The following AIG1 variants were observed in gnomAD, a reference collection of about 807,000 sequenced individuals.
AIG1 encodes the protein androgen-induced gene 1 protein.
Under a neutral mutation model 31.4 loss-of-function variants are expected in AIG1, and 23 were observed. The ratio of observed to expected loss-of-function variants is 0.73; its 90% confidence interval spans 0.53 to 1.04. The LOEUF (loss-of-function observed/expected upper bound fraction) is 1.04. Ranked by LOEUF, AIG1 falls within the 50% of genes least tolerant of loss-of-function variation. AIG1 has a pLI of 0.00. For synonymous variants in AIG1, 100 were observed against 110.5 expected (o/e 0.90, Z 0.60); for missense variants, 274 against 295.0 (o/e 0.93, Z 0.52).
intron 3 of AIG1, among the ~76,000 whole-genome samples, chr6:143,272,523 A>G (rs1796604921): frequency 6.6e-6 from 1 of 152,202 alleles, no homozygotes; most frequent in South Asian, 2.1e-4. Flanking sequence ...TTCTGTTAAT[A>G]ATAGGCCCAT....
At position 143,331,652 on chromosome 6, in the gene AIG1, A is replaced by ATG. The variant is rs1167059230; in HGVS notation, c.516-1620_516-1619dup. ...TATGTACATCTGTGTGTGTGTATAT[A>ATG]TGTGTGTGTGTATATGTGTGTGTGT... is the stretch of plus-strand genomic sequence containing the variant. On this transcript the variant is annotated intron_variant, in intron 4 of 5. Transcript: ENST00000357847. The surrounding 1 kb of genome is among the most constrained non-coding windows in gnomAD (Gnocchi z 4.1). Among the ~76,000 whole-genome samples, 1 of 151,430 alleles carries ATG rather than the reference A, an allele frequency of 6.6e-6. No homozygotes were observed. The highest frequency in any genetic ancestry group is 1.5e-5 in the Non-Finnish European group (1 of 67,866).
intron 3 of AIG1, among the ~76,000 whole-genome samples, chr6:143,171,490 TATATA>T (rs1446910329): frequency 2.5e-5 from 3 of 122,250 alleles, no homozygotes; most frequent in African/African-American, 6.7e-5. Context: ...ATATATTAAA[TATATA>T]ATATATATTT....
chr6:143,303,118 G>A (rs1267675850), intron 4 of AIG1, among the ~76,000 whole-genome samples: 1 of 152,000 alleles, frequency 6.6e-6, no homozygotes, highest in Non-Finnish European at 1.5e-5. Flanking sequence ...GTAGATTCTG[G>A]ATATTAGCCC....
intron 1 of AIG1, among the ~76,000 whole-genome samples, chr6:143,084,723 A>G (rs1778603930): frequency 6.6e-6 from 1 of 152,210 alleles, no homozygotes. Context: ...CCAGAAAGGC[A>G]GTAGGATTTT....
chr6:143,289,381 C>T (rs1003910366), intron 4 of AIG1, among the ~76,000 whole-genome samples: 2 of 152,010 alleles, frequency 1.3e-5, no homozygotes, highest in African/African-American at 4.8e-5. Context: ...TAATGTTAAT[C>T]CTGGTCAGTT....
Position 143,223,341 on chromosome 6 carries a change from C to G in AIG1, c.399+58158C>G, listed in dbSNP as rs373615836. On this transcript the variant is annotated intron_variant, in intron 3 of 5. Transcript: ENST00000357847. ...CCAGGTAAACAAGGAAAGTTTGTTTCCTTGTTTCCTGGTACTGAGGAAAGT... is the reference window on the plus strand; with the variant it reads ...CCAGGTAAACAAGGAAAGTTTGTTTGCTTGTTTCCTGGTACTGAGGAAAGT... Among the ~76,000 whole-genome samples, 5 of 152,270 alleles carry G rather than the reference C, an allele frequency of 3.3e-5. No homozygotes were observed. The East Asian group carries it at 9.6e-4, about 29-fold the overall frequency.
At chr6:143,061,292 T>G in intron 1 of AIG1, 1 of 660,944 alleles carries the variant, frequency 1.5e-6, no homozygotes, top group Non-Finnish European at 2.8e-6. Context: ...CTGGGTACCC[T>G]TACCTGGCAA....
chr6:143,186,136 T>TA (rs1789240646), intron 3 of AIG1, among the ~76,000 whole-genome samples: 1 of 152,236 alleles, frequency 6.6e-6, no homozygotes, highest in African/African-American at 2.4e-5. Context: ...CTGCCCTATC[T>TA]GTACCTGTGT....
At chr6:143,168,381 A>G (rs1323796242) in intron 3 of AIG1, among the ~76,000 whole-genome samples, 3 of 150,450 alleles carry the variant, frequency 2.0e-5, no homozygotes, top group African/African-American at 7.3e-5. Context: ...AACATTAGGT[A>G]TATCTCCTAA....
At chr6:143,165,792 A>T (rs1344954559) in intron 3 of AIG1, among the ~76,000 whole-genome samples, 1 of 152,176 alleles carries the variant, frequency 6.6e-6, no homozygotes, top group African/African-American at 2.4e-5. Flanking sequence ...TGCTTTAGCC[A>T]TGATGTTGCC....
intron 1 of AIG1, among the ~76,000 whole-genome samples, chr6:143,095,309 T>C (rs1248070032): frequency 6.6e-6 from 1 of 152,110 alleles, no homozygotes; most frequent in African/African-American, 2.4e-5. Flanking sequence ...AAATTACTAG[T>C]GCAGGAAGCA....
rs981230630 is a variant in AIG1, at chr6:143,334,712, T to G, written c.679+1267T>G. On this transcript the variant is annotated intron_variant, in intron 5 of 5. Transcript: ENST00000357847. This position sits in a 1 kb window ranked among gnomAD's most constrained non-coding sequence, Gnocchi z 5.1. ...ACAAAAATATTTTGAGAACAAAATA[T>G]AAACCTTTCTCAGCTTCTTGGAAGA... 2.4e-4 allele frequency among the ~76,000 whole-genome samples: 36 copies of G among 152,216 alleles called. No homozygotes were observed. Among genetic ancestry groups the G allele is most frequent in the Admixed American group, 1.9e-3 (29 of 15,284 alleles).
chr6:143,210,174 C>G (rs1392990761), intron 3 of AIG1, among the ~76,000 whole-genome samples: 2 of 152,212 alleles, frequency 1.3e-5, no homozygotes, highest in Non-Finnish European at 2.9e-5. Context: ...TTCTTCTCCT[C>G]CTGCCACCAT....
Position 143,325,365 on chromosome 6 carries a change from ATCT to A in AIG1, c.516-7912_516-7910del, listed in dbSNP as rs1386662843. 6.6e-6 allele frequency among the ~76,000 whole-genome samples: 1 copy of A among 152,154 alleles called. No individual in the cohort carries two copies. The highest frequency in any genetic ancestry group is 1.5e-5 in the Non-Finnish European group (1 of 68,038). On this transcript the variant is annotated intron_variant, in intron 4 of 5. Transcript: ENST00000357847. This position sits in a 1 kb window ranked among gnomAD's most constrained non-coding sequence, Gnocchi z 4.3. ...GTCTGTCCTGATAGTTTCAACCACAATCTTCTTTTGCCAATGAACTTGATACCT... is the reference window on the plus strand; with the variant it reads ...GTCTGTCCTGATAGTTTCAACCACAATCTTTTGCCAATGAACTTGATACCT...
chr6:143,067,125 C>T (rs1326936001), intron 1 of AIG1, among the ~76,000 whole-genome samples: 1 of 151,988 alleles, frequency 6.6e-6, no homozygotes, highest in East Asian at 1.9e-4. Flanking sequence ...ATGATAGTGC[C>T]ACTGCACTCC....
chr6:143,265,461 T>C (rs1329166912), intron 3 of AIG1, among the ~76,000 whole-genome samples: 1 of 152,206 alleles, frequency 6.6e-6, no homozygotes, highest in Non-Finnish European at 1.5e-5. Flanking sequence ...TGATAATGTC[T>C]CAGTCTTTCT....
chr6:143,262,377 A>G (rs1006892345), intron 3 of AIG1, among the ~76,000 whole-genome samples: 10 of 152,194 alleles, frequency 6.6e-5, no homozygotes, highest in African/African-American at 2.2e-4. Flanking sequence ...GCTGTGGGAG[A>G]AACTCTAACA....
chr6:143,342,106 G>A (rs114755471), downstream of AIG1: 43 of 424,504 alleles, frequency 1.0e-4, no homozygotes, highest in African/African-American at 6.2e-4. Context: ...TGTACTTTTC[G>A]TAGAGACGGG....
chr6:143,269,401 T>C (rs1463441593), intron 3 of AIG1, among the ~76,000 whole-genome samples: 1 of 152,230 alleles, frequency 6.6e-6, no homozygotes, highest in African/African-American at 2.4e-5. Flanking sequence ...TGGAAAACTC[T>C]TTGACTCTGT....
Sources: gnomAD v4.1 joint callset for allele counts (sites outside exome capture counted in the v4.1 genomes callset) on GRCh38, gnomAD v4.1.1 for gene constraint, Gnocchi (gnomAD v3.1) non-coding constraint, MANE v1.5 for transcripts, NCBI Gene and HGNC (gene_info 2026-07-23, HGNC 2026-07-21) for gene names.